CD96: variants seen among roughly 807,000 people sequenced by gnomAD.
CD96 encodes CD96 molecule.
A neutral mutation model predicts 71.3 loss-of-function variants in CD96; 70 were observed. The observed-to-expected ratio is 0.98, with a 90% confidence interval of 0.81 to 1.20. The LOEUF is 1.20. Among genes scored for constraint, CD96 ranks in the 50% most tolerant of loss-of-function variants. The pLI, the probability that CD96 is intolerant of heterozygous loss-of-function variation, is 0.00. For missense variants in CD96, 742 were observed against 677.5 expected (o/e 1.10, Z -1.06); for synonymous variants, 248 against 233.0 (o/e 1.06, Z -0.59).
intron 14 of CD96, among the ~76,000 whole-genome samples, chr3:111,661,188 A>G (rs900590333): frequency 1.3e-5 from 2 of 152,012 alleles, no homozygotes; most frequent in African/African-American, 2.4e-5. Context: ...AAACAACAAG[A>G]TCTCATGAGA....
At chr3:111,655,439 AAATT>A (rs1366260947), downstream of CD96, among the ~76,000 whole-genome samples, 5 of 152,232 alleles carry the variant, frequency 3.3e-5, no homozygotes, top group Non-Finnish European at 7.3e-5. Flanking sequence ...ACAGATATAA[AAATT>A]AAGTTATGCG....
rs376117353 is a variant in CD96, at chr3:111,610,283, T to C, written c.1180+3491T>C. Among the ~76,000 whole-genome samples the C allele has an allele frequency of 7.5e-4, 115 of 152,352 alleles. No homozygotes were observed. In the Middle Eastern group the frequency reaches 0.01, roughly 14 times the overall value. On this transcript the variant is annotated intron_variant, in intron 8 of 13. Coordinates refer to ENST00000352690, the MANE Select transcript of CD96 (RefSeq NM_005816.5). ...AAATCCAAATTTTGCCTTGGCAAAC[T>C]GGAGGGTAATTGTGAAATCACACGA...
intron 8 of CD96, among the ~76,000 whole-genome samples, chr3:111,612,551 T>G (rs1938004554): frequency 6.6e-6 from 1 of 152,218 alleles, no homozygotes. Context: ...ACACAATTAC[T>G]TAGGTACTAT....
chr3:111,606,106 C>G (rs1390198585), intron 7 of CD96, among the ~76,000 whole-genome samples: 1 of 151,972 alleles, frequency 6.6e-6, no homozygotes, highest in East Asian at 1.9e-4. Context: ...TGTTTCAACT[C>G]CCCCCAACAC....
downstream of CD96, among the ~76,000 whole-genome samples, chr3:111,655,453 G>T (rs79064216): frequency 2.3e-4 from 35 of 152,118 alleles, no homozygotes; most frequent in Non-Finnish European, 4.4e-4. Flanking sequence ...TAAGTTATGC[G>T]CAAAGAAGAG....
chr3:111,628,673 A>T (rs1938906136), intron 10 of CD96, among the ~76,000 whole-genome samples: 1 of 152,194 alleles, frequency 6.6e-6, no homozygotes, highest in African/African-American at 2.4e-5. Context: ...CCCCAGTAAG[A>T]TACTCCATGA....
intron 12 of CD96, among the ~76,000 whole-genome samples, chr3:111,641,621 T>C (rs763086016): frequency 6.6e-6 from 1 of 152,096 alleles, no homozygotes; most frequent in Admixed American, 6.5e-5. Context: ...AAACAATGGA[T>C]TTAAACTATA....
chr3:111,594,531 A>C, intron 5 of CD96: 3 of 253,248 alleles, frequency 1.2e-5, no homozygotes, highest in Non-Finnish European at 2.4e-5. Context: ...AACAATTACA[A>C]AGCTCTTTGA....
chr3:111,597,128 T>C (rs1450122824), intron 5 of CD96, among the ~76,000 whole-genome samples: 1 of 152,230 alleles, frequency 6.6e-6, no homozygotes, highest in Admixed American at 6.5e-5. Context: ...TGTTAACTAG[T>C]ATATTCATTA....
intron 8 of CD96, among the ~76,000 whole-genome samples, chr3:111,611,743 T>C (rs373315222): frequency 5.3e-5 from 8 of 152,176 alleles, no homozygotes; most frequent in African/African-American, 7.2e-5. Context: ...GAAATGGATC[T>C]TCACATTCGC....
chr3:111,558,286 G>A (rs1935185438), intron 2 of CD96, among the ~76,000 whole-genome samples: 2 of 108,746 alleles, frequency 1.8e-5, no homozygotes, highest in Non-Finnish European at 3.7e-5. Context: ...TCTTGTGCCA[G>A]TTTTCAAAGG....
At chr3:111,600,945 A>T (rs1408292862) in intron 7 of CD96, 31 bp downstream of exon 7, 9 of 1,367,900 alleles carry the variant, frequency 6.6e-6, no homozygotes, top group Non-Finnish European at 9.4e-6. Flanking sequence ...GATCAACAAG[A>T]GTTTGCTAAG....
intron 9 of CD96, 115 bp from the exon 10 acceptor site, chr3:111,624,217 AT>A: frequency 1.3e-6 from 1 of 774,880 alleles, no homozygotes; most frequent in Non-Finnish European, 2.3e-6. Context: ...AGGGAAGCAC[AT>A]TTTCAATTTC....
At chr3:111,623,292 T>C (rs1938596185) in intron 8 of CD96, among the ~76,000 whole-genome samples, 1 of 151,872 alleles carries the variant, frequency 6.6e-6, no homozygotes, top group African/African-American at 2.4e-5. Flanking sequence ...AATTATGGAG[T>C]ATAAAGATGG....
In CD96 at chr3:111,545,191, T is replaced by G; in HGVS notation, c.207T>G (p.Ala69=). The G allele has an allele frequency of 6.2e-7, 1 of 1,614,128 alleles. No homozygotes were observed. The highest frequency in any genetic ancestry group is 8.5e-7 in the Non-Finnish European group (1 of 1,179,918). ...SKVTNKIDLI[A]VYHPQYGFYC... is the part of the protein sequence containing the mutation. ...TCACCAATAAGATAGACCTGATTGC[T>G]GTCTATCATCCCCAATACGGCTTCT... The change falls in exon 2 of 14, where the codon GCT becomes GCG. Residue 69 remains alanine, a synonymous_variant. Coordinates refer to ENST00000352690, the MANE Select transcript of CD96 (RefSeq NM_005816.5).
chr3:111,600,780 A>G lies in CD96; in HGVS notation c.953A>G (p.Lys318Arg). 5 of 1,613,624 alleles carry G rather than the reference A, an allele frequency of 3.1e-6. No homozygotes were observed. The highest frequency in any genetic ancestry group is 1.3e-5 in the African/African-American group (1 of 75,054). The change falls in exon 7 of 14, where the codon AAG (lysine) becomes AGG (arginine). Residue 318 changes from lysine to arginine, a missense_variant. By Grantham distance (26) the Lys-to-Arg change is conservative (BLOSUM62 2). Transcript: ENST00000352690. ...RKGKDGFLELKSVLTRVHSNK... is the reference protein window; with the variant it reads ...RKGKDGFLELRSVLTRVHSNK... The stretch of plus-strand genomic sequence containing the variant: ...GGCAAAGATGGATTTTTGGAACTGA[A>G]GTCTGTTTTAACAAGGGTACATAGT...
intron 8 of CD96, among the ~76,000 whole-genome samples, chr3:111,619,456 T>C (rs1232997642): frequency 6.6e-6 from 1 of 152,212 alleles, no homozygotes; most frequent in South Asian, 2.1e-4. Context: ...TAACTCTGGA[T>C]ACTTGCAAGA....
Position 111,542,305 on chromosome 3 carries a change from C to T in CD96, c.57C>T (p.Val19=), listed in dbSNP as rs992390030. ...AVYYIIQIHF[V]KGVWEKTVNT... ...ATTACATCATCCAGATACATTTTGT[C>T]AAGGGTAAGACTTCCAGTTGTCCCT... Residue 19 remains valine, a synonymous_variant, in exon 1 of 14, where the codon GTC becomes GTT. Transcript: ENST00000352690. 5.6e-6 allele frequency: 9 copies of T among 1,613,138 alleles called. No homozygotes were observed. The African/African-American group carries it at 6.7e-5, about 12-fold the overall frequency.
chr3:111,574,900 C>T (rs1936155860), intron 3 of CD96, among the ~76,000 whole-genome samples: 1 of 151,966 alleles, frequency 6.6e-6, no homozygotes, highest in African/African-American at 2.4e-5. Flanking sequence ...CCTCCCACCT[C>T]AGCCTCCCAA....
Sources: allele counts gnomAD v4.1 joint callset (sites outside exome capture counted in the v4.1 genomes callset), GRCh38; gene constraint gnomAD v4.1.1; transcripts MANE v1.5; gene names NCBI Gene and HGNC (gene_info 2026-07-23, HGNC 2026-07-21).